The following RCBTB1 variants were observed in gnomAD, a reference collection of about 807,000 sequenced individuals.
The protein encoded by RCBTB1 is RCC1 and BTB domain containing protein 1, also known as RCC1 and BTB domain-containing protein 1.
Under a neutral mutation model 62.4 loss-of-function variants are expected in RCBTB1, and 46 were observed. That is an observed-to-expected ratio of 0.74 (90% CI 0.58 to 0.94). The LOEUF (loss-of-function observed/expected upper bound fraction) is 0.94, where lower values mean the gene tolerates loss of function less well. RCBTB1 is among the 40% of genes least tolerant of loss of function. RCBTB1 has a pLI of 0.00. For missense variants in RCBTB1, 565 were observed against 654.9 expected, an observed-to-expected ratio of 0.86 and a Z score of 1.50; for synonymous variants, 222 against 245.8, an observed-to-expected ratio of 0.90 and a Z score of 0.91.
chr13:49,552,311 T>A, intron 6 of RCBTB1, 26 bp from the exon 7 acceptor site: 1 of 1,485,416 alleles, frequency 6.7e-7, no homozygotes, highest in South Asian at 1.2e-5. Context: ...AGGGAGAGAG[T>A]GAGATTTTTA....
intron 9 of RCBTB1, chr13:49,547,008 G>C: frequency 8.4e-7 from 1 of 1,191,684 alleles, no homozygotes; most frequent in Non-Finnish European, 1.1e-6. Flanking sequence ...GCCATTTTAA[G>C]ATATAAGAAC....
rs143970072 is a variant in RCBTB1, at chr13:49,544,758, T to C, written c.1151A>G (p.His384Arg). 5.5e-5 allele frequency: 89 copies of C among 1,611,954 alleles called. No individual in the cohort carries two copies. The highest frequency in any genetic ancestry group is 1.7e-5 in the Admixed American group (1 of 59,850). The change falls in exon 10 of 13, where the codon CAT becomes CGT. Residue 384 changes from histidine (H) to arginine (R), a missense_variant. Coordinates refer to ENST00000378302, the MANE Select transcript of RCBTB1 (RefSeq NM_018191.4). ...ATACCTGATTTTCAAAACAGCTTTA[T>C]GGACATGAATATATTTTCCATCAAT... ...FRIDGKYIHV[H>R]KAVLKIRCEH... is the part of the protein sequence containing the mutation.
intron 9 of RCBTB1, chr13:49,546,935 C>T: frequency 1.0e-6 from 1 of 985,022 alleles, no homozygotes; most frequent in South Asian, 4.7e-5. Flanking sequence ...TAGTCAATGA[C>T]CATATTTTTT....
At chr13:49,564,980 A>T (rs1962805198) in intron 4 of RCBTB1, among the ~76,000 whole-genome samples, 2 of 150,312 alleles carry the variant, frequency 1.3e-5, no homozygotes, top group Non-Finnish European at 2.9e-5. Flanking sequence ...CTATTAAGGA[A>T]TAGGATTGCA....
Position 49,566,667 on chromosome 13 carries a change from A to C in RCBTB1, c.228T>G (p.Ile76Met), listed in dbSNP as rs780946842. ...KKLEGLCGKK[I>M]KSLSYGSGPH... The stretch of plus-strand genomic sequence containing the variant: ...GTCCACTCCCGTAACTGAGGCTTTT[A>C]ATCTTCTTTCCACATAAGCCTTCTA... Residue 76 changes from isoleucine to methionine, a missense_variant, in exon 4 of 13, where the codon ATT (isoleucine) becomes ATG (methionine). Transcript: ENST00000378302. The C allele has an allele frequency of 6.8e-6, 11 of 1,614,158 alleles. No homozygotes were observed. In the South Asian group the frequency reaches 1.1e-4, roughly 16 times the overall value.
At chr13:49,578,507 A>C (rs1020731371) in intron 2 of RCBTB1, among the ~76,000 whole-genome samples, 2 of 152,232 alleles carry the variant, frequency 1.3e-5, no homozygotes, top group African/African-American at 4.8e-5. Context: ...TCTGCCTCTG[A>C]GGAACTGAAG....
chr13:49,559,655 CAAA>C (rs11458278), intron 5 of RCBTB1, among the ~76,000 whole-genome samples: 139 of 103,936 alleles, frequency 1.3e-3, no homozygotes, highest in Middle Eastern at 4.7e-3. Flanking sequence ...GACTCCATCT[CAAA>C]AAAAAAAAAA....
At chr13:49,549,768 G>T in intron 8 of RCBTB1, 120 bp from the exon 9 acceptor site, 1 of 1,441,358 alleles carries the variant, frequency 6.9e-7, no homozygotes, top group South Asian at 1.5e-5. Flanking sequence ...AAGTTCCAGG[G>T]ACACTAGCTG....
At chr13:49,557,250 G>T (rs1961998599) in intron 5 of RCBTB1, among the ~76,000 whole-genome samples, 1 of 152,188 alleles carries the variant, frequency 6.6e-6, no homozygotes, top group Admixed American at 6.5e-5. Context: ...CAACTTAAAA[G>T]ATAGGGAATA....
At chr13:49,566,572 G>T in intron 4 of RCBTB1, 46 bp downstream of exon 4, 1 of 1,579,118 alleles carries the variant, frequency 6.3e-7, no homozygotes, top group Non-Finnish European at 8.6e-7. Context: ...AGAATTAACC[G>T]GTCAATTTCT....
rs771851382 is a variant in RCBTB1 at position 49,540,880 on chromosome 13, GCAT to G, written c.1448_1450del (p.Asp483del). On this transcript the variant is annotated inframe_deletion, in exon 12 of 13. Transcript: ENST00000378302. ...TCTGTTTGTTGTTTAAGTTACCTCT[GCAT>G]CATATCTGACTGCAGCAGAGAATAG... 4.4e-4 allele frequency: 703 copies of G among 1,613,370 alleles called. 2 individuals are homozygous for G. The highest frequency in any genetic ancestry group is 7.8e-4 in the South Asian group (71 of 90,908).
intron 4 of RCBTB1, among the ~76,000 whole-genome samples, chr13:49,565,304 C>T (rs1018781665): frequency 1.2e-4 from 19 of 152,188 alleles, no homozygotes; most frequent in Admixed American, 1.3e-4. Context: ...GACGGAGTCT[C>T]GTTCACTCAG....
intron 12 of RCBTB1, 29 bp downstream of exon 12, chr13:49,540,847 G>C (rs763356320): frequency 1.2e-6 from 2 of 1,607,690 alleles, no homozygotes; most frequent in Non-Finnish European, 1.7e-6. Context: ...GTTAAAGGTG[G>C]TCTGGTTTCT....
chr13:49,541,437 TA>T (rs5803469), intron 11 of RCBTB1, among the ~76,000 whole-genome samples: 13,646 of 140,922 alleles, frequency 0.097, 716 homozygotes, highest in Non-Finnish European at 0.11. Context: ...AAAAATAAAT[TA>T]AAAAAAAAAA....
intron 2 of RCBTB1, among the ~76,000 whole-genome samples, chr13:49,567,551 C>T (rs1294793081): frequency 6.6e-6 from 1 of 152,116 alleles, no homozygotes; most frequent in Non-Finnish European, 1.5e-5. Context: ...GTTTGTCTTG[C>T]CCACTTCCTA....
chr13:49,535,813 A>C (rs1319786630), intron 12 of RCBTB1, among the ~76,000 whole-genome samples: 1 of 152,148 alleles, frequency 6.6e-6, no homozygotes, highest in Admixed American at 6.5e-5. Context: ...TCACGAGGTC[A>C]GGAGTTTGAG....
At chr13:49,547,168 C>T (rs1414175154) in intron 9 of RCBTB1, 1 of 1,172,566 alleles carries the variant, frequency 8.5e-7, no homozygotes. Flanking sequence ...AATCACAATA[C>T]TCACTGCAAA....
intron 2 of RCBTB1, among the ~76,000 whole-genome samples, chr13:49,575,250 A>T (rs1963693756): frequency 6.6e-6 from 1 of 152,180 alleles, no homozygotes; most frequent in Admixed American, 6.5e-5. Flanking sequence ...AAAGTCAAAA[A>T]CAAAAGATAT....
chr13:49,565,717 A>G (rs1349983397), intron 4 of RCBTB1, among the ~76,000 whole-genome samples: 47 of 134,766 alleles, frequency 3.5e-4, no homozygotes, highest in African/African-American at 6.6e-4. Context: ...ACCCCGTCTG[A>G]GAAGTGAGGA....
Sources: gnomAD v4.1 joint callset for allele counts (sites outside exome capture counted in the v4.1 genomes callset) on GRCh38, gnomAD v4.1.1 for gene constraint, MANE v1.5 for transcripts, NCBI Gene and HGNC (gene_info 2026-07-23, HGNC 2026-07-21) for gene names.